The following SCN2A variants were observed in gnomAD, a reference collection of about 807,000 sequenced individuals.
The protein encoded by SCN2A is sodium channel protein type 2 subunit alpha.
SCN2A carries 20 observed loss-of-function variants against 188.7 expected under a neutral mutation model. The ratio of observed to expected loss-of-function variants is 0.11; its 90% CI spans 0.07 to 0.15. The LOEUF (loss-of-function observed/expected upper bound fraction) is 0.15. Ranked by LOEUF, SCN2A falls within the 10% of genes least tolerant of loss-of-function variation. The probability of loss-of-function intolerance (pLI) is 1.00; values close to 1 mark genes in which losing one functional copy is unlikely to be tolerated. For synonymous variants in SCN2A, 804 were observed against 833.1 expected, an observed-to-expected ratio of 0.97 and a Z score of 0.60; for missense variants, 1,278 against 2,445.0, an observed-to-expected ratio of 0.52 and a Z score of 10.07.
At chr2:165,260,593 A>C (rs1317500906) in intron 1 of SCN2A, among the ~76,000 whole-genome samples, 1 of 152,136 alleles carries the variant, frequency 6.6e-6, no homozygotes, top group Non-Finnish European at 1.5e-5. Flanking sequence ...CACCAGCTGC[A>C]TACAGTTATC....
chr2:165,255,707 A>G (rs1352032987), intron 1 of SCN2A, among the ~76,000 whole-genome samples: 2 of 152,114 alleles, frequency 1.3e-5, no homozygotes, highest in Non-Finnish European at 2.9e-5. Context: ...TTCATGAAGG[A>G]GATATTGATG....
In SCN2A at chr2:165,366,426, G is replaced by C. The variant is rs577030725; in HGVS notation, c.3521-791G>C. On this transcript the variant is annotated intron_variant, in intron 18 of 26. Transcript: ENST00000375437. ...GATAATGGCCAGATTTAAAGCAAAC[G>C]AAGTATTCAATAATGGTGGAATTGG... Among the ~76,000 whole-genome samples, 8 of 152,192 alleles carry C rather than the reference G, an allele frequency of 5.3e-5. No individual in the cohort carries two copies. The South Asian group carries it at 1.7e-3, about 32-fold the overall frequency.
At position 165,341,427 on chromosome 2, in the gene SCN2A, C is replaced by T. The variant is rs576292408; in HGVS notation, c.2389-869C>T. 1.1e-4 allele frequency among the ~76,000 whole-genome samples: 17 copies of T among 152,232 alleles called. No homozygotes were observed. The South Asian group carries it at 2.3e-3, about 20-fold the overall frequency. ...GATATTTTTAAGGGAGAGAAGGACT[C>T]GGTAACTGTTACTTTCTATAAAGAA... On this transcript the variant is annotated intron_variant, in intron 14 of 26. Transcript: ENST00000375437.
intron 1 of SCN2A, among the ~76,000 whole-genome samples, chr2:165,291,570 T>TC (rs59568788): frequency 1.1e-5 from 1 of 88,928 alleles, no homozygotes; most frequent in African/African-American, 3.3e-5. Context: ...CCTTCCTTCC[T>TC]TCCTTTCTCT....
intron 11 of SCN2A, among the ~76,000 whole-genome samples, chr2:165,318,978 G>T (rs919091082): frequency 2.0e-5 from 3 of 152,168 alleles, no homozygotes; most frequent in Non-Finnish European, 4.4e-5. Context: ...TAGTTAATAG[G>T]ATTAAAAAGC....
intron 1 of SCN2A, among the ~76,000 whole-genome samples, chr2:165,265,391 C>A (rs1694795166): frequency 7.5e-6 from 1 of 133,190 alleles, no homozygotes; most frequent in Admixed American, 7.8e-5. Context: ...CTTATAGATG[C>A]TGGATATTAG....
At chr2:165,307,375 A>G (rs1360700107) in intron 3 of SCN2A, among the ~76,000 whole-genome samples, 1 of 152,126 alleles carries the variant, frequency 6.6e-6, no homozygotes, top group African/African-American at 2.4e-5. Flanking sequence ...GAGCAATTAC[A>G]GTATATTATA....
At chr2:165,334,233 C>T (rs905361727) in intron 14 of SCN2A, among the ~76,000 whole-genome samples, 7 of 151,602 alleles carry the variant, frequency 4.6e-5, no homozygotes, top group African/African-American at 1.7e-4. Context: ...ACTGTTCCAA[C>T]ACATAGAAGA....
At chr2:165,299,324 G>A (rs536502433) in intron 3 of SCN2A, among the ~76,000 whole-genome samples, 2 of 152,286 alleles carry the variant, frequency 1.3e-5, no homozygotes, top group Admixed American at 1.3e-4. Flanking sequence ...CCCTCCACAG[G>A]CTGAAGTCAT....
intron 1 of SCN2A, among the ~76,000 whole-genome samples, chr2:165,259,665 C>T (rs1431874210): frequency 6.6e-6 from 1 of 152,142 alleles, no homozygotes; most frequent in Non-Finnish European, 1.5e-5. Context: ...TCAGGCTTCA[C>T]TTCTATTCTA....
At chr2:165,294,315 C>T (rs962248398) in intron 1 of SCN2A, among the ~76,000 whole-genome samples, 12 of 151,994 alleles carry the variant, frequency 7.9e-5, no homozygotes, top group Non-Finnish European at 1.8e-4. Flanking sequence ...CCCCAGTGTG[C>T]AAGGACCATC....
In SCN2A at chr2:165,373,968, A is replaced by T. The variant is rs541733122; in HGVS notation, c.3972+621A>T. Among the ~76,000 whole-genome samples, 12 of 152,132 alleles carry T rather than the reference A, an allele frequency of 7.9e-5. No individual in the cohort carries two copies. In the South Asian group the frequency reaches 1.0e-3, roughly 13 times the overall value. On this transcript the variant is annotated intron_variant, in intron 21 of 26. Coordinates refer to ENST00000375437, the MANE Select transcript of SCN2A (RefSeq NM_001040142.2). ...TTTTAGCTGGTTCAAAGAGGATTTT[A>T]AAAAAATGATACTTTTTGTGATATT...
intron 23 of SCN2A, among the ~76,000 whole-genome samples, chr2:165,377,903 A>G (rs1481958001): frequency 6.6e-6 from 1 of 151,878 alleles, no homozygotes; most frequent in East Asian, 1.9e-4. Flanking sequence ...ACTTTATTGT[A>G]TGTATTTTCA....
At chr2:165,278,708 C>T (rs911964897) in intron 1 of SCN2A, among the ~76,000 whole-genome samples, 15 of 152,228 alleles carry the variant, frequency 9.9e-5, no homozygotes, top group African/African-American at 3.4e-4. Flanking sequence ...GAGGCCAAGG[C>T]AGGGGGATTA....
chr2:165,312,120 A>G, intron 8 of SCN2A, 32 bp downstream of exon 8: 1 of 1,547,404 alleles, frequency 6.5e-7, no homozygotes, highest in South Asian at 1.1e-5. Context: ...GTTTCAGTCC[A>G]CACTGCTCCA....
chr2:165,344,832 T>C lies in SCN2A; in HGVS notation c.2840T>C (p.Met947Thr), dbSNP rs1219983765. ...CTGTGTGGAGAGTGGATAGAGACCA[T>C]GTGGGACTGTATGGAGGTCGCTGGC... ...RVLCGEWIETMWDCMEVAGQT... is the reference protein window; with the variant it reads ...RVLCGEWIETTWDCMEVAGQT... Residue 947 changes from methionine (M) to threonine (T), a missense_variant, in exon 16 of 27, where the codon ATG becomes ACG. By Grantham distance (81) the Met-to-Thr change is moderately conservative. Coordinates refer to ENST00000375437, the MANE Select transcript of SCN2A (RefSeq NM_001040142.2). The C allele has an allele frequency of 6.2e-7, 1 of 1,614,094 alleles. No homozygotes were observed. Among genetic ancestry groups the C allele is most frequent in the Non-Finnish European group, 8.5e-7 (1 of 1,180,048 alleles).
intron 11 of SCN2A, among the ~76,000 whole-genome samples, chr2:165,317,086 C>T (rs1697792611): frequency 6.6e-6 from 1 of 152,064 alleles, no homozygotes; most frequent in Non-Finnish European, 1.5e-5. Context: ...TATAGACAAG[C>T]TCACATAACC....
chr2:165,307,747 T>C, intron 3 of SCN2A, 101 bp from the exon 4 acceptor site: 1 of 823,234 alleles, frequency 1.2e-6, no homozygotes, highest in Non-Finnish European at 2.1e-6. Flanking sequence ...AACAAAATAA[T>C]AGTAAGCACT....
intron 26 of SCN2A, 37 bp downstream of exon 26, chr2:165,387,053 G>A: frequency 1.3e-6 from 2 of 1,597,588 alleles, no homozygotes; most frequent in Non-Finnish European, 1.7e-6. Flanking sequence ...AAGGAATATA[G>A]TGGTAAAAAT....
Sources: gnomAD v4.1 joint callset for allele counts (sites outside exome capture counted in the v4.1 genomes callset) on GRCh38, gnomAD v4.1.1 for gene constraint, MANE v1.5 for transcripts, NCBI Gene and HGNC (gene_info 2026-07-23, HGNC 2026-07-21) for gene names.